The following SFXN3 variants were observed in gnomAD, a reference collection of about 807,000 sequenced individuals.
SFXN3 encodes sideroflexin 3.
In SFXN3, 31 loss-of-function variants were observed where a neutral mutation model predicts 40.4. That is an observed-to-expected ratio of 0.77 (90% CI 0.58 to 1.04). SFXN3 has a LOEUF of 1.04. Ranked by LOEUF, SFXN3 falls within the 50% of genes least tolerant of loss-of-function variation. The pLI is 0.00. For missense variants in SFXN3, 366 were observed against 408.2 expected, an observed-to-expected ratio of 0.90 and a Z score of 0.89; for synonymous variants, 157 against 160.0, an observed-to-expected ratio of 0.98 and a Z score of 0.14.
rs775603051 is a variant in SFXN3 at position 101,036,851 on chromosome 10, G to A, written c.593+43G>A. The A allele has an allele frequency of 1.1e-5, 18 of 1,601,808 alleles. No homozygotes were observed. The highest frequency in any genetic ancestry group is 3.4e-5 in the Admixed American group (2 of 59,538). Reference sequence around the variant, plus strand: ...CTGGCATGTGCATGCCCAGAATGTAGCACACTGTCCATCCACGCAGACCAC... The same window carrying A: ...CTGGCATGTGCATGCCCAGAATGTAACACACTGTCCATCCACGCAGACCAC... On this transcript the variant is annotated intron_variant, in intron 7 of 11. Coordinates refer to ENST00000393459, the Ensembl canonical transcript of SFXN3. This position sits in a 1 kb window ranked among gnomAD's most constrained non-coding sequence, Gnocchi z 4.2.
exon 9 of SFXN3, chr10:101,037,390 C>G: frequency 6.2e-7 from 1 of 1,614,166 alleles, no homozygotes. Context: ...AGCCATCCCA[C>G]CACTGATCAT....
intron 9 of SFXN3, 193 bp downstream of exon 9, chr10:101,037,624 A>T (rs1938686186): frequency 6.9e-7 from 1 of 1,455,952 alleles, no homozygotes; most frequent in Non-Finnish European, 9.0e-7. Flanking sequence ...CTGCAGGGGC[A>T]GGAGGAGAGG....
chr10:101,038,114 A>G (rs946302425), intron 9 of SFXN3: 25 of 299,698 alleles, frequency 8.3e-5, no homozygotes, highest in Admixed American at 1.6e-4. Context: ...GCCGCAAAGG[A>G]TGAGGAGAGA....
intron 2 of SFXN3, 120 bp from the exon 3 acceptor site, chr10:101,034,572 T>G: frequency 1.4e-5 from 14 of 1,010,560 alleles, no homozygotes; most frequent in East Asian, 2.4e-5. Context: ...CTAGTCACCT[T>G]GAGCTCTTGA....
chr10:101,037,795 C>T, intron 9 of SFXN3: 1 of 1,163,304 alleles, frequency 8.6e-7, no homozygotes, highest in Non-Finnish European at 1.1e-6. Flanking sequence ...CAGACATGAA[C>T]AGGACACGAA....
Position 101,039,795 on chromosome 10 carries a change from C to T in SFXN3, c.*210C>T. On this transcript the variant is annotated 3_prime_UTR_variant, in exon 12 of 12. Coordinates refer to ENST00000393459, the Ensembl canonical transcript of SFXN3. This position sits in a 1 kb window ranked among gnomAD's most constrained non-coding sequence, Gnocchi z 4.6. ...GGTTTCAAAGATCAGAGCACATAAC[C>T]CCTCCTGTGCTTGAGTGTCCATGCA... 2 of 594,264 alleles carry T rather than the reference C, an allele frequency of 3.4e-6. No homozygotes were observed. Among genetic ancestry groups the T allele is most frequent in the African/African-American group, 1.9e-5 (1 of 53,892 alleles). 36.8% of individuals were successfully genotyped at this position (594,264 alleles called of 1,614,324 possible). A position where few individuals can be genotyped will look rare whatever the true frequency, so the allele number is the denominator to read the frequency against.
exon 2 of SFXN3, chr10:101,032,332 C>A: frequency 1.0e-6 from 1 of 1,001,464 alleles, no homozygotes; most frequent in Non-Finnish European, 1.4e-6. Context: ...AATCCCCGTG[C>A]CCACCGGGTG....
exon 1 of SFXN3, chr10:101,031,382 G>C (rs1015926190): frequency 6.6e-6 from 1 of 152,280 alleles, no homozygotes; most frequent in African/African-American, 2.4e-5. Flanking sequence ...CCTCCGGCTC[G>C]AACCACCTCT....
chr10:101,037,961 A>G, intron 9 of SFXN3: 1 of 600,980 alleles, frequency 1.7e-6, no homozygotes, highest in Non-Finnish European at 2.1e-6. Context: ...TCTGATGCAG[A>G]AACCAATAAA....
In SFXN3 at chr10:101,036,820, C is replaced by T. The variant is rs200988321; in HGVS notation, c.593+12C>T. The T allele has an allele frequency of 1.4e-4, 225 of 1,612,132 alleles. 2 individuals carry two copies. The highest frequency in any genetic ancestry group is 5.9e-5 in the Non-Finnish European group (70 of 1,178,506). On this transcript the variant is annotated intron_variant, in intron 7 of 11. Transcript: ENST00000393459. This position sits in a 1 kb window ranked among gnomAD's most constrained non-coding sequence, Gnocchi z 4.2. ...CTGATGAGGCAGAGGTGAGTGACCC[C>T]GGCTCCTGGCATGTGCATGCCCAGA...
chr10:101,035,816 A>C, intron 4 of SFXN3, 149 bp downstream of exon 4: 1 of 1,188,738 alleles, frequency 8.4e-7, no homozygotes, highest in Non-Finnish European at 1.2e-6. Flanking sequence ...GAGGTCTCTC[A>C]CCCCAGAGAC....
Position 101,036,241 on chromosome 10 carries a change from C to G in SFXN3, c.431+140C>G. The G allele has an allele frequency of 1.3e-6, 1 of 790,672 alleles. No individual in the cohort carries two copies. Among genetic ancestry groups the G allele is most frequent in the Non-Finnish European group, 2.1e-6 (1 of 479,612 alleles). 49.0% of individuals were successfully genotyped at this position (790,672 alleles called of 1,614,324 possible). On this transcript the variant is annotated intron_variant, in intron 5 of 11. Transcript: ENST00000393459. The surrounding 1 kb of genome is among the most constrained non-coding windows in gnomAD (Gnocchi z 4.2). ...CGCCCTCTCCTCAGCCTGCCCCACC[C>G]CGAATTACCCTGCCTAACTGAAGGC...
At chr10:101,038,342 G>C (rs1938718857) in intron 9 of SFXN3, 2 of 1,320,990 alleles carry the variant, frequency 1.5e-6, no homozygotes, top group Admixed American at 3.2e-5. Flanking sequence ...GTTTCCTGAA[G>C]AAATCAGCTC....
At position 101,037,450 on chromosome 10, in the gene SFXN3, C is replaced by G; in HGVS notation, c.771+19C>G. On this transcript the variant is annotated intron_variant, in intron 9 of 11. Coordinates refer to ENST00000393459, the Ensembl canonical transcript of SFXN3. ...CCTGAAGGTAGGCGACTGTACCTCT[C>G]TTGTCCTGGAATGGGCGATGGCTGG... The G allele has an allele frequency of 6.2e-7, 1 of 1,614,216 alleles. No homozygotes were observed. The highest frequency in any genetic ancestry group is 1.1e-5 in the South Asian group (1 of 91,084).
In SFXN3 at chr10:101,039,873, A is replaced by G. The variant is rs2134217576; in HGVS notation, c.*288A>G. The G allele has an allele frequency of 5.0e-6, 2 of 399,772 alleles. No homozygotes were observed. The highest frequency in any genetic ancestry group is 9.2e-6 in the Non-Finnish European group (2 of 217,586). The allele number at this position is 399,772 out of a possible 1,614,324, so 24.8% of individuals were successfully genotyped here. ...TGTACATTGGGTCCTGAAAGCTAGA[A>G]GCAGGCATGCTAGCCTAGTATGTTC... On this transcript the variant is annotated 3_prime_UTR_variant, in exon 12 of 12. Transcript: ENST00000393459. The surrounding 1 kb of genome is among the most constrained non-coding windows in gnomAD (Gnocchi z 4.6).
rs1303282298 is a variant in SFXN3 at position 101,038,716 on chromosome 10, G to C, written c.821+24G>C. The C allele has an allele frequency of 2.5e-6, 4 of 1,606,676 alleles. No homozygotes were observed. In the African/African-American group the frequency reaches 5.3e-5, roughly 21 times the overall value. On this transcript the variant is annotated intron_variant, in intron 10 of 11. Transcript: ENST00000393459. ...TGGTAAGTGTGCAAGGAGTTAGCTG[G>C]GGTGTGTGGGAGTGCCTTGTCCATG...
chr10:101,033,507 C>T (rs1938427936), intron 2 of SFXN3, among the ~76,000 whole-genome samples: 1 of 152,110 alleles, frequency 6.6e-6, no homozygotes, highest in Non-Finnish European at 1.5e-5. Context: ...ACAGCTCCTC[C>T]CCACACCCTT....
chr10:101,035,945 G>GT, intron 4 of SFXN3, 58 bp from the exon 5 acceptor site: 2 of 1,455,758 alleles, frequency 1.4e-6, no homozygotes, highest in African/African-American at 2.8e-5. Context: ...TCATTACAGG[G>GT]GTCTAAAGAT....
In SFXN3 at chr10:101,036,941, C is replaced by T; in HGVS notation, c.593+133C>T. ...CTGCTGGGCCCTGGCTCAGTCTGAC[C>T]CTGGGATCCTCAGGTGGGAGAACCA... On this transcript the variant is annotated intron_variant, in intron 7 of 11. Coordinates refer to ENST00000393459, the Ensembl canonical transcript of SFXN3. This position sits in a 1 kb window ranked among gnomAD's most constrained non-coding sequence, Gnocchi z 4.2. 3 of 1,519,560 alleles carry T rather than the reference C, an allele frequency of 2.0e-6. No homozygotes were observed. The highest frequency in any genetic ancestry group is 2.7e-6 in the Non-Finnish European group (3 of 1,127,970). The allele number at this position is 1,519,560 out of a possible 1,614,324, so 94.1% of individuals were successfully genotyped here.
Sources: gnomAD v4.1 joint callset for allele counts (sites outside exome capture counted in the v4.1 genomes callset) on GRCh38, gnomAD v4.1.1 for gene constraint, Gnocchi (gnomAD v3.1) non-coding constraint, MANE v1.5 for transcripts, NCBI Gene and HGNC (gene_info 2026-07-23, HGNC 2026-07-21) for gene names.